TEX11: variants seen among roughly 807,000 people sequenced by gnomAD.
The protein encoded by TEX11 is testis-expressed protein 11.
TEX11 carries 7 observed loss-of-function variants against 84.4 expected under a neutral mutation model. The observed-to-expected ratio is 0.08, with a 90% CI of 0.05 to 0.16. The LOEUF (loss-of-function observed/expected upper bound fraction) is 0.16, where lower values mean the gene tolerates loss of function less well. Ranked by LOEUF, TEX11 falls within the 10% of genes least tolerant of loss-of-function variation. The pLI, the probability that TEX11 is intolerant of heterozygous loss-of-function variation, is 1.00. For missense variants in TEX11, 551 were observed against 660.5 expected (o/e 0.83, Z 1.82); for synonymous variants, 264 against 222.8 (o/e 1.18, Z -1.64).
intron 17 of TEX11, among the ~76,000 whole-genome samples, chrX:70,635,828 A>G (rs1047383496): frequency 9.1e-6 from 1 of 110,335 alleles, no homozygotes; most frequent in African/African-American, 3.3e-5. Context: ...CCTCAGAGCT[A>G]GGTCAGCCCA....
chrX:70,579,524 A>C (rs371884871), intron 25 of TEX11, among the ~76,000 whole-genome samples: 8 of 13,917 alleles, frequency 5.7e-4, no homozygotes, highest in African/African-American at 1.9e-3. Context: ...AAAAACAAAA[A>C]AAAAAAAAAA....
At chrX:70,666,926 T>C (rs887865743) in intron 16 of TEX11, among the ~76,000 whole-genome samples, 6 of 112,071 alleles carry the variant, frequency 5.4e-5, no homozygotes, top group Admixed American at 9.5e-5. Flanking sequence ...CATCCGCCTC[T>C]GAAACATTTA....
At chrX:70,697,425 CAT>C (rs1248139549) in intron 13 of TEX11, among the ~76,000 whole-genome samples, 4 of 111,629 alleles carry the variant, frequency 3.6e-5, no homozygotes, top group African/African-American at 6.5e-5. Context: ...CAATATACCA[CAT>C]GTCACCTCTT....
chrX:70,738,957 G>A (rs184574882), intron 11 of TEX11, among the ~76,000 whole-genome samples: 137 of 110,007 alleles, frequency 1.2e-3, no homozygotes, highest in African/African-American at 4.1e-3. Context: ...TTAGGGGGTG[G>A]GAGGCACGGG....
chrX:70,766,327 A>G (rs1187268062), intron 9 of TEX11, among the ~76,000 whole-genome samples: 2 of 110,007 alleles, frequency 1.8e-5, no homozygotes, highest in Non-Finnish European at 3.8e-5. Flanking sequence ...CAGAAGAATC[A>G]CTTGAACCCA....
chrX:70,573,510 T>G (rs777706639), intron 25 of TEX11, among the ~76,000 whole-genome samples: 1 of 111,599 alleles, frequency 9.0e-6, no homozygotes, highest in East Asian at 2.8e-4. Context: ...TGCCTGAGGA[T>G]CAGCTCCAAT....
At position 70,607,087 on chromosome X, in the gene TEX11, T is replaced by A; in HGVS notation, c.1880-58A>T. 3 of 900,790 alleles carry A rather than the reference T, an allele frequency of 3.3e-6. No homozygotes were observed. In the East Asian group the frequency reaches 9.8e-5, roughly 29 times the overall value. The allele number at this position is 900,790 out of a possible 1,213,427, so 74.2% of individuals were successfully genotyped here. ...GAAATTATGAAAATCTACCATTTAG[T>A]CTGTACCATTACAATTTCTGATACT... On this transcript the variant is annotated intron_variant, in intron 22 of 29. Coordinates refer to ENST00000374333, the MANE Select transcript of TEX11 (RefSeq NM_031276.3).
chrX:70,672,687 G>A (rs1038528616), intron 15 of TEX11, among the ~76,000 whole-genome samples: 1 of 111,396 alleles, frequency 9.0e-6, no homozygotes, highest in Non-Finnish European at 1.9e-5. Flanking sequence ...TTTTTGAATT[G>A]TTTTTCTTTG....
intron 9 of TEX11, among the ~76,000 whole-genome samples, chrX:70,769,646 T>C (rs1602112420): frequency 9.0e-6 from 1 of 111,719 alleles, no homozygotes; most frequent in Admixed American, 9.6e-5. Context: ...AATCTGAGAA[T>C]TGTGGAAAAG....
At chrX:70,537,622 T>A (rs967256720) in intron 28 of TEX11, among the ~76,000 whole-genome samples, 1 of 110,696 alleles carries the variant, frequency 9.0e-6, no homozygotes, top group Non-Finnish European at 1.9e-5. Context: ...TAGACTGGAC[T>A]ATAATAGAGT....
At chrX:70,840,204 A>G (rs1181045965) in intron 7 of TEX11, among the ~76,000 whole-genome samples, 2 of 111,657 alleles carry the variant, frequency 1.8e-5, no homozygotes, top group South Asian at 3.8e-4. Context: ...GAAATGAAGG[A>G]AAAAACGTTA....
At chrX:70,607,276 T>C (rs920914989) in intron 22 of TEX11, among the ~76,000 whole-genome samples, 5 of 111,442 alleles carry the variant, frequency 4.5e-5, no homozygotes, top group African/African-American at 1.3e-4. Context: ...TTTTTTAAAA[T>C]TGGGGACATG....
At chrX:70,718,724 G>A (rs183638764) in intron 13 of TEX11, among the ~76,000 whole-genome samples, 4 of 111,592 alleles carry the variant, frequency 3.6e-5, no homozygotes, top group East Asian at 2.8e-4. Flanking sequence ...TTAGGAATTC[G>A]CTAGGCTGAA....
At chrX:70,723,054 A>G (rs768700621) in intron 12 of TEX11, among the ~76,000 whole-genome samples, 1 of 111,744 alleles carries the variant, frequency 8.9e-6, no homozygotes, top group African/African-American at 3.2e-5. Context: ...TGCTCTCTAT[A>G]CCTTAGTTTT....
intron 9 of TEX11, among the ~76,000 whole-genome samples, chrX:70,764,699 A>G (rs1486202897): frequency 9.0e-6 from 1 of 111,461 alleles, no homozygotes; most frequent in Non-Finnish European, 1.9e-5. Flanking sequence ...ATGAACAGCT[A>G]TATGCCAATT....
At chrX:70,794,116 G>A (rs1179286550) in intron 9 of TEX11, among the ~76,000 whole-genome samples, 2 of 111,807 alleles carry the variant, frequency 1.8e-5, no homozygotes, top group African/African-American at 6.5e-5. Flanking sequence ...GAAGAGGGTA[G>A]GAAAGACAGT....
At chrX:70,801,734 T>C (rs1451175911) in intron 9 of TEX11, among the ~76,000 whole-genome samples, 1 of 107,551 alleles carries the variant, frequency 9.3e-6, no homozygotes, top group Admixed American at 1.0e-4. Context: ...GTAACTATAG[T>C]TCATAATACT....
chrX:70,817,254 TAC>T (rs57325193), intron 8 of TEX11, among the ~76,000 whole-genome samples: 61 of 82,336 alleles, frequency 7.4e-4, no homozygotes, highest in Middle Eastern at 0.015. Flanking sequence ...CATATATATA[TAC>T]ACACACACAC....
chrX:70,886,799 G>A (rs1369930778), intron 2 of TEX11, among the ~76,000 whole-genome samples: 2 of 111,750 alleles, frequency 1.8e-5, no homozygotes, highest in Non-Finnish European at 3.8e-5. Context: ...TGGGCTCATC[G>A]GAAGATAAAG....
Sources: allele counts gnomAD v4.1 joint callset (sites outside exome capture counted in the v4.1 genomes callset), GRCh38; gene constraint gnomAD v4.1.1; transcripts MANE v1.5; gene names NCBI Gene and HGNC (gene_info 2026-07-23, HGNC 2026-07-21).